PHKG2: variants seen among roughly 807,000 people sequenced by gnomAD.
PHKG2 encodes the protein phosphorylase b kinase gamma catalytic chain, liver/testis isoform.
Under a neutral mutation model 44.5 loss-of-function variants are expected in PHKG2, and 28 were observed. That is an observed-to-expected ratio of 0.63 (90% CI 0.47 to 0.86). The LOEUF is 0.86. Ranked by LOEUF, PHKG2 falls within the 40% of genes least tolerant of loss-of-function variation. The probability of loss-of-function intolerance (pLI) is 0.00; values close to 1 mark genes in which losing one functional copy is unlikely to be tolerated. For missense variants in PHKG2, 498 were observed against 547.5 expected (o/e 0.91, Z 0.90); for synonymous variants, 220 against 211.2 (o/e 1.04, Z -0.36).
chr16:30,751,637 C>T (rs367899010), intron 4 of PHKG2, 34 bp downstream of exon 4: 4 of 1,536,222 alleles, frequency 2.6e-6, no homozygotes, highest in Non-Finnish European at 3.6e-6. Flanking sequence ...TGAGAAGCCT[C>T]CTCCCCACCT....
At chr16:30,749,106 C>CTGCTGCTGCTGCTGGTGCTGCTGG (rs1567259550) in intron 2 of PHKG2, among the ~76,000 whole-genome samples, 191 bp downstream of exon 2, 1 of 50,524 alleles carries the variant, frequency 2.0e-5, no homozygotes. Flanking sequence ...GCTGCTGCTG[C>CTGCTGCTGCTGCTGGTGCTGCTGG]TGCTGGTGGT....
At position 30,760,447 on chromosome 16, in the gene PHKG2, C is replaced by A. The variant is rs2053677352; in HGVS notation, c.*3350C>A. On this transcript the variant is annotated 3_prime_UTR_variant, in exon 10 of 10. Coordinates refer to ENST00000563588, the MANE Select transcript of PHKG2 (RefSeq NM_000294.3). ...GACACCCTAGCTCCAGCAGCTCAGC[C>A]AGCACCCTTGGGAGGGAGAGAGGAG... 1 of 1,613,976 alleles carries A rather than the reference C, an allele frequency of 6.2e-7. No individual in the cohort carries two copies. The highest frequency in any genetic ancestry group is 8.5e-7 in the Non-Finnish European group (1 of 1,179,982).
At chr16:30,755,745 TAGG>T (rs1567262898) in intron 6 of PHKG2, among the ~76,000 whole-genome samples, 1 of 152,120 alleles carries the variant, frequency 6.6e-6, no homozygotes, top group Non-Finnish European at 1.5e-5. Context: ...TTGGAGATTA[TAGG>T]AGGAGGAAGA....
At chr16:30,754,840 G>C (rs915865565) in intron 6 of PHKG2, 1 of 455,798 alleles carries the variant, frequency 2.2e-6, no homozygotes, top group Non-Finnish European at 4.4e-6. Flanking sequence ...TTCACAACAC[G>C]TCTTACTGTA....
At chr16:30,751,864 C>T (rs1021196577) in intron 4 of PHKG2, 25 of 453,852 alleles carry the variant, frequency 5.5e-5, no homozygotes, top group African/African-American at 1.8e-4. Flanking sequence ...GAGGCCGAGG[C>T]GGGTGGATCA....
At chr16:30,750,195 C>A (rs1298052682) in intron 2 of PHKG2, among the ~76,000 whole-genome samples, 1 of 151,848 alleles carries the variant, frequency 6.6e-6, no homozygotes, top group Non-Finnish European at 1.5e-5. Context: ...TGTATGAATT[C>A]AGATTTGTGT....
In PHKG2 at chr16:30,760,674, A is replaced by C. The variant is rs561244435; in HGVS notation, c.*3577A>C. ...AATGGACGTCCAGGTACTTCCTGTT[A>C]TAGTAAAAGAAAAAGAGTATTGGTG... On this transcript the variant is annotated 3_prime_UTR_variant, in exon 10 of 10. Transcript: ENST00000563588. The C allele has an allele frequency of 7.9e-6, 12 of 1,523,974 alleles. No homozygotes were observed. The Admixed American group carries it at 2.4e-4, about 31-fold the overall frequency. 94.4% of individuals were successfully genotyped at this position (1,523,974 alleles called of 1,614,324 possible). A position where few individuals can be genotyped will look rare whatever the true frequency, so the allele number is the denominator to read the frequency against.
Position 30,748,973 on chromosome 16 carries a change from T to G in PHKG2, c.95+58T>G, listed in dbSNP as rs2053292953. ...AGAGGTCGAGCCCCAGCATTCCCGC[T>G]TCCGTTTGAAGGCTGGAGAGTTCGC... On this transcript the variant is annotated intron_variant, in intron 2 of 9. Transcript: ENST00000563588. 3 of 1,123,568 alleles carry G rather than the reference T, an allele frequency of 2.7e-6. No homozygotes were observed. In the East Asian group the frequency reaches 1.1e-4, roughly 41 times the overall value. 69.6% of individuals were successfully genotyped at this position (1,123,568 alleles called of 1,614,324 possible).
chr16:30,754,699 C>T (rs569059882), intron 6 of PHKG2, among the ~76,000 whole-genome samples: 25 of 152,164 alleles, frequency 1.6e-4, no homozygotes, highest in Non-Finnish European at 3.1e-4. Flanking sequence ...TCCACATGTA[C>T]TTTTCCCGTT....
chr16:30,755,627 G>C (rs542502876), intron 6 of PHKG2, among the ~76,000 whole-genome samples: 1 of 152,044 alleles, frequency 6.6e-6, no homozygotes, highest in African/African-American at 2.4e-5. Flanking sequence ...ATTGAGCCGA[G>C]ATCATGCCAT....
intron 2 of PHKG2, among the ~76,000 whole-genome samples, chr16:30,750,400 G>A (rs2053328902): frequency 6.6e-6 from 1 of 152,180 alleles, no homozygotes; most frequent in Non-Finnish European, 1.5e-5. Flanking sequence ...AGGGAACCAG[G>A]ATAAGAAACA....
rs534374752 is a variant in PHKG2, at chr16:30,748,488, C to T, written c.-21C>T. 2.5e-6 allele frequency: 1 copy of T among 401,956 alleles called. No homozygotes were observed. Among genetic ancestry groups the T allele is most frequent in the East Asian group, 4.7e-5 (1 of 21,064 alleles). 24.9% of individuals were successfully genotyped at this position (401,956 alleles called of 1,614,324 possible). On this transcript the variant is annotated splice_region_variant and 5_prime_UTR_variant, in exon 1 of 10. Coordinates refer to ENST00000563588, the MANE Select transcript of PHKG2 (RefSeq NM_000294.3). ...ACCCTGGCTCCTCTGCCTGCCCCCTCAGGTGAGCCTGCGCTAGACCCCCGT... is the reference window on the plus strand; with the variant it reads ...ACCCTGGCTCCTCTGCCTGCCCCCTTAGGTGAGCCTGCGCTAGACCCCCGT...
At chr16:30,755,062 C>T (rs977520412) in intron 6 of PHKG2, 27 of 375,488 alleles carry the variant, frequency 7.2e-5, no homozygotes, top group African/African-American at 3.8e-4. Context: ...AATTGGTGCC[C>T]GAGTGGTAGA....
At chr16:30,751,486 C>G in intron 3 of PHKG2, 63 bp from the exon 4 acceptor site, 2 of 1,495,078 alleles carry the variant, frequency 1.3e-6, no homozygotes, top group South Asian at 1.1e-5. Context: ...GTGGCCAAGC[C>G]CCGTTAATGT....
In PHKG2 at chr16:30,753,376, C is replaced by T. The variant is rs778083432; in HGVS notation, c.393-18C>T. 58 of 1,613,904 alleles carry T rather than the reference C, an allele frequency of 3.6e-5. 1 individual carries two copies. In the South Asian group the frequency reaches 4.9e-4, roughly 14 times the overall value. On this transcript the variant is annotated intron_variant, in intron 5 of 9. Transcript: ENST00000563588. ...GAGGAGCCGAGGAGGAGACTGCACC[C>T]GCCTCCCCTTCCCCCAGGTCCATCA... is the stretch of plus-strand genomic sequence containing the variant.
intron 2 of PHKG2, 70 bp from the exon 3 acceptor site, chr16:30,751,036 C>T: frequency 1.3e-6 from 2 of 1,518,334 alleles, no homozygotes; most frequent in Non-Finnish European, 1.8e-6. Flanking sequence ...CATGAGGATG[C>T]TGAGGCCCCA....
At chr16:30,749,172 CTGG>C (rs1206572147) in intron 2 of PHKG2, among the ~76,000 whole-genome samples, 1 of 14,250 alleles carries the variant, frequency 7.0e-5, no homozygotes, top group Non-Finnish European at 1.7e-4. Context: ...GGTGGTGGTG[CTGG>C]TGGTGGTGCT....
Position 30,757,086 on chromosome 16 carries a change from G to T in PHKG2, c.1210G>T (p.Val404Leu). The change falls in exon 10 of 10, where the codon GTG (valine) becomes TTG (leucine). Residue 404 changes from valine to leucine, a missense_variant. Transcript: ENST00000563588. ...AAITEDEAVL[V>L]LG ...TATAACTGAGGATGAGGCCGTGCTT[G>T]TGCTGGGCTAGGACCTCAACCCCAG... 2 of 1,613,352 alleles carry T rather than the reference G, an allele frequency of 1.2e-6. No homozygotes were observed. The highest frequency in any genetic ancestry group is 8.5e-7 in the Non-Finnish European group (1 of 1,180,038).
rs376287076 is a variant in PHKG2, at chr16:30,760,049, A to C, written c.*2952A>C. The C allele has an allele frequency of 3.5e-5, 53 of 1,524,522 alleles. 2 individuals carry two copies. The East Asian group carries it at 7.1e-4, about 20-fold the overall frequency. 94.4% of individuals were successfully genotyped at this position (1,524,522 alleles called of 1,614,324 possible). A position where few individuals can be genotyped will look rare whatever the true frequency, so the allele number is the denominator to read the frequency against. ...TCTAAAGCAGGTGTTATTGTGCACT[A>C]TGCATATATTTGCATATATTATTTC... On this transcript the variant is annotated 3_prime_UTR_variant, in exon 10 of 10. Transcript: ENST00000563588.
Sources: allele counts gnomAD v4.1 joint callset (sites outside exome capture counted in the v4.1 genomes callset), GRCh38; gene constraint gnomAD v4.1.1; transcripts MANE v1.5; gene names NCBI Gene and HGNC (gene_info 2026-07-23, HGNC 2026-07-21).